IQSEC2: variants seen among roughly 807,000 people sequenced by gnomAD.
The protein encoded by IQSEC2 is IQ motif and Sec7 domain ArfGEF 2.
IQSEC2 carries 6 observed loss-of-function variants against 74.6 expected under a neutral mutation model. The observed-to-expected ratio is 0.08, with a 90% CI of 0.04 to 0.16. The LOEUF (loss-of-function observed/expected upper bound fraction) is 0.16, where lower values mean the gene tolerates loss of function less well. Among genes scored for constraint, IQSEC2 ranks in the 10% least tolerant of loss-of-function variants. The probability of loss-of-function intolerance (pLI) is 1.00; values close to 1 mark genes in which losing one functional copy is unlikely to be tolerated. For missense variants in IQSEC2, 734 were observed against 1,306.2 expected (o/e 0.56, Z 6.75); for synonymous variants, 494 against 544.5 (o/e 0.91, Z 1.29).
chrX:53,247,168 G>A (rs1556862229), intron 7 of IQSEC2, 33 bp from the exon 8 acceptor site: 2 of 1,189,339 alleles, frequency 1.7e-6, no homozygotes, highest in Non-Finnish European at 1.1e-6. Context: ...GCCAGACTCA[G>A]GAACCAGCCA....
chrX:53,235,104 G>A lies in IQSEC2; in HGVS notation c.3582C>T (p.Ser1194=). 8.9e-7 allele frequency: 1 copy of A among 1,127,415 alleles called. No individual in the cohort carries two copies. The highest frequency in any genetic ancestry group is 1.2e-6 in the Non-Finnish European group (1 of 849,038). 92.9% of individuals were successfully genotyped at this position (1,127,415 alleles called of 1,213,427 possible). ...PPPPPPEEYK[S]QRPVSNSSSF... The stretch of plus-strand genomic sequence containing the variant: ...ATGAGGAGTTGGAGACGGGCCTCTG[G>A]CTCTTGTACTCCTCTGGCGGCGGGG... Residue 1194 remains serine (S), a synonymous_variant, in exon 15 of 15, where the codon AGC becomes AGT. Coordinates refer to ENST00000642864, the MANE Select transcript of IQSEC2 (RefSeq NM_001111125.3).
Position 53,234,387 on chromosome X carries a change from G to A in IQSEC2, c.4299C>T (p.Pro1433=). The change falls in exon 15 of 15, where the codon CCC becomes CCT. Residue 1433 remains proline (P), a synonymous_variant. Transcript: ENST00000642864. The stretch of plus-strand genomic sequence containing the variant: ...GGGGGAGGGGTGGATAGGAGGGGTG[G>A]GGTGGGATGGGTGAGTGTGGTGACA... The part of the protein sequence containing the change: ...SPLSPHSPIP[P]HPSYPPLPPP... The A allele has an allele frequency of 1.4e-6, 1 of 701,847 alleles. No individual in the cohort carries two copies. The highest frequency in any genetic ancestry group is 1.9e-6 in the Non-Finnish European group (1 of 523,351). 57.8% of individuals were successfully genotyped at this position (701,847 alleles called of 1,213,427 possible). A position where few individuals can be genotyped will look rare whatever the true frequency, so the allele number is the denominator to read the frequency against.
At chrX:53,281,553 T>C (rs1297579901) in intron 2 of IQSEC2, 7 of 1,147,347 alleles carry the variant, frequency 6.1e-6, no homozygotes, top group Non-Finnish European at 8.1e-6. Context: ...GCAGGCCCCC[T>C]GGCCTAGCCG....
intron 8 of IQSEC2, among the ~76,000 whole-genome samples, chrX:53,245,858 CTT>C (rs368569948): frequency 1.5e-3 from 110 of 75,638 alleles, no homozygotes; most frequent in African/African-American, 4.8e-3. Flanking sequence ...CTCAATTGTT[CTT>C]TTTTTTTTTT....
In IQSEC2 at chrX:53,248,103, G is replaced by A; in HGVS notation, c.2582+11C>T. ...GGGAGGGGCAGCTTCGCGAGTGGGA[G>A]GTAGGCACACCTGAAGGCTTCGATG... On this transcript the variant is annotated intron_variant, in intron 7 of 14. Transcript: ENST00000642864. 1 of 1,211,287 alleles carries A rather than the reference G, an allele frequency of 8.3e-7. No individual in the cohort carries two copies. The highest frequency in any genetic ancestry group is 1.1e-6 in the Non-Finnish European group (1 of 895,178).
chrX:53,236,848 G>A (rs1382097894), intron 12 of IQSEC2, among the ~76,000 whole-genome samples: 1 of 110,719 alleles, frequency 9.0e-6, no homozygotes, highest in Non-Finnish European at 1.9e-5. Context: ...AAGCACCCCT[G>A]CCCTTCAAAA....
At chrX:53,232,112 G>A (rs1417440278), downstream of IQSEC2, among the ~76,000 whole-genome samples, 3 of 111,599 alleles carry the variant, frequency 2.7e-5, no homozygotes, top group Non-Finnish European at 5.7e-5. Context: ...CGTCCGTTTC[G>A]GAGGGAAGAG....
At chrX:53,272,741 G>T (rs1405784967) in intron 2 of IQSEC2, among the ~76,000 whole-genome samples, 2 of 111,395 alleles carry the variant, frequency 1.8e-5, no homozygotes, top group African/African-American at 3.3e-5. Context: ...CAGGCACCTG[G>T]TTCTCTCTTC....
intron 1 of IQSEC2, among the ~76,000 whole-genome samples, chrX:53,305,888 C>G (rs2075256805): frequency 9.0e-6 from 1 of 111,252 alleles, no homozygotes; most frequent in South Asian, 3.8e-4. Context: ...TCAAGGAGCG[C>G]TTCTAGAAGA....
At chrX:53,286,952 A>G (rs1413565030) in intron 2 of IQSEC2, among the ~76,000 whole-genome samples, 1 of 96,397 alleles carries the variant, frequency 1.0e-5, no homozygotes, top group African/African-American at 5.2e-5. Flanking sequence ...AAAAAAAAAA[A>G]AAAAAGAAAA....
At position 53,255,996 on chromosome X, in the gene IQSEC2, G is replaced by A; in HGVS notation, c.803C>T (p.Pro268Leu). The A allele has an allele frequency of 8.4e-7, 1 of 1,190,155 alleles. No individual in the cohort carries two copies. Among genetic ancestry groups the A allele is most frequent in the African/African-American group, 1.7e-5 (1 of 57,451 alleles). ...TAVDSPGSQP[P>L]YRLSQLPPSS... ...GGGGGGCAGCTGGCTCAGCCGGTAG[G>A]GGGGTTGGCTCCCAGGACTATCAAC... Residue 268 changes from proline (P) to leucine (L), a missense_variant, in exon 3 of 15, where the codon CCC becomes CTC. Pro to Leu is a moderately conservative substitution (Grantham distance 98). This residue lies in a region of IQSEC2 where 54 missense variants were observed against 62.1 expected (regional missense o/e 0.87). Coordinates refer to ENST00000642864, the MANE Select transcript of IQSEC2 (RefSeq NM_001111125.3).
At chrX:53,306,054 C>G (rs993463273) in intron 1 of IQSEC2, among the ~76,000 whole-genome samples, 26 of 112,851 alleles carry the variant, frequency 2.3e-4, no homozygotes, top group African/African-American at 8.3e-4. Flanking sequence ...CTTCTCTCCT[C>G]TCTCTGCTGG....
rs192725548 is a variant in IQSEC2 at position 53,292,415 on chromosome X, G to A, written c.708-491C>T. 4.0e-4 allele frequency among the ~76,000 whole-genome samples: 45 copies of A among 112,039 alleles called. No homozygotes were observed. In the South Asian group the frequency reaches 0.013, roughly 32 times the overall value. Reference sequence around the variant, plus strand: ...GTCTCCCCGTTTGTGACACGAGGCCGATCCTCACTGGGCTGTTGGGATAAT... The same window carrying A: ...GTCTCCCCGTTTGTGACACGAGGCCAATCCTCACTGGGCTGTTGGGATAAT... On this transcript the variant is annotated intron_variant, in intron 1 of 14. Transcript: ENST00000642864.
At chrX:53,287,716 G>C (rs2075047099) in intron 2 of IQSEC2, among the ~76,000 whole-genome samples, 1 of 112,713 alleles carries the variant, frequency 8.9e-6, no homozygotes, top group Non-Finnish European at 1.9e-5. Context: ...ACAGAGGCAA[G>C]GGGAGGGGAA....
downstream of IQSEC2, chrX:53,226,060 T>C (rs1160618958): frequency 8.8e-6 from 1 of 113,034 alleles, no homozygotes; most frequent in Non-Finnish European, 1.9e-5. Flanking sequence ...AAACACCTGT[T>C]TGCCCATTTG....
chrX:53,289,604 T>G (rs1276749649), intron 2 of IQSEC2, among the ~76,000 whole-genome samples: 1 of 111,223 alleles, frequency 9.0e-6, no homozygotes, highest in Non-Finnish European at 1.9e-5. Flanking sequence ...TGGAGCGAAT[T>G]CAAAAATTTA....
intron 4 of IQSEC2, among the ~76,000 whole-genome samples, chrX:53,253,510 C>T (rs782419661): frequency 2.9e-4 from 32 of 112,034 alleles, no homozygotes; most frequent in Admixed American, 4.7e-4. Flanking sequence ...GCTGATGCAA[C>T]GCCTATGTAA....
chrX:53,243,393 G>C lies in IQSEC2; in HGVS notation c.2828C>G (p.Thr943Ser). The C allele has an allele frequency of 1.7e-6, 2 of 1,167,977 alleles. No homozygotes were observed. The highest frequency in any genetic ancestry group is 3.8e-5 in the South Asian group (2 of 52,645). The change falls in exon 9 of 15, where the codon ACC becomes AGC. Residue 943 changes from threonine (T) to serine (S), a missense_variant. Coordinates refer to ENST00000642864, the MANE Select transcript of IQSEC2 (RefSeq NM_001111125.3). ...YQRIQGRELR[T>S]NDDHVSQVQA... is the part of the protein sequence containing the mutation. ...CACCTGGGACACATGGTCATCGTTG[G>C]TCCGCAGTTCACGCCCCTGGATGCG...
intron 8 of IQSEC2, 80 bp from the exon 9 acceptor site, chrX:53,243,551 C>G: frequency 9.1e-7 from 1 of 1,094,255 alleles, no homozygotes; most frequent in Non-Finnish European, 1.2e-6. Context: ...CCCCCACACC[C>G]AGGCACGGGC....
Sources: gnomAD v4.1 joint callset for allele counts (sites outside exome capture counted in the v4.1 genomes callset) on GRCh38, gnomAD v4.1.1 for gene constraint, gnomAD v4.1.1 regional missense constraint, MANE v1.5 for transcripts, NCBI Gene and HGNC (gene_info 2026-07-23, HGNC 2026-07-21) for gene names.